The following CNTLN variants were observed in gnomAD, a reference collection of about 807,000 sequenced individuals.
CNTLN encodes the protein centlein, centrosomal protein.
A neutral mutation model predicts 180.0 loss-of-function variants in CNTLN; 212 were observed. The ratio of observed to expected loss-of-function variants is 1.18; its 90% CI spans 1.05 to 1.32. The LOEUF (loss-of-function observed/expected upper bound fraction) is 1.32. Among genes scored for constraint, CNTLN ranks in the 40% most tolerant of loss-of-function variants. CNTLN has a pLI of 0.00. For missense variants in CNTLN, 2,095 were observed against 1,610.9 expected (o/e 1.30, Z -5.14); for synonymous variants, 722 against 563.1 (o/e 1.28, Z -3.99).
intron 25 of CNTLN, among the ~76,000 whole-genome samples, chr9:17,492,006 A>G (rs1833187553): frequency 6.6e-6 from 1 of 152,034 alleles, no homozygotes; most frequent in Non-Finnish European, 1.5e-5. Flanking sequence ...TGCATTCAGA[A>G]ACTGACATAC....
At chr9:17,395,103 G>T in intron 15 of CNTLN, 34 bp downstream of exon 15, 1 of 1,566,172 alleles carries the variant, frequency 6.4e-7, no homozygotes, top group East Asian at 2.3e-5. Context: ...CTGTGGTGGG[G>T]ACACTGCGCA....
Position 17,342,353 on chromosome 9 carries a change from G to T in CNTLN, c.1795G>T (p.Asp599Tyr). ...TGAAATCAGGAAAATAAAGAGAGCAGATCCCCAACAACTTCGACAAGAAGA... is the reference window on the plus strand; with the variant it reads ...TGAAATCAGGAAAATAAAGAGAGCATATCCCCAACAACTTCGACAAGAAGA... ...MTEIRKIKRA[D>Y]PQQLRQEDSD... Residue 599 changes from aspartate (D) to tyrosine (Y), a missense_variant, in exon 12 of 26, where the codon GAT (aspartate) becomes TAT (tyrosine). Asp to Tyr is a radical substitution (Grantham distance 160). Transcript: ENST00000380647. The T allele has an allele frequency of 1.9e-6, 3 of 1,612,366 alleles. No individual in the cohort carries two copies. The South Asian group carries it at 3.3e-5, about 18-fold the overall frequency.
At chr9:17,216,348 A>G (rs936853737) in intron 2 of CNTLN, among the ~76,000 whole-genome samples, 1 of 152,128 alleles carries the variant, frequency 6.6e-6, no homozygotes, top group African/African-American at 2.4e-5. Context: ...AGACTTGTTA[A>G]TACTTTTTTC....
At chr9:17,512,087 T>C in the CNTLN span, among the ~76,000 whole-genome samples, 1 of 152,180 alleles carries the variant, frequency 6.6e-6, no homozygotes, top group South Asian at 2.1e-4. Flanking sequence ...GCACAATTAT[T>C]CTTCCACAGT....
chr9:17,211,474 G>C (rs1428378619), intron 2 of CNTLN, among the ~76,000 whole-genome samples: 1 of 152,306 alleles, frequency 6.6e-6, no homozygotes, highest in Non-Finnish European at 1.5e-5. Context: ...AGTATAGTTT[G>C]AAGTCAGGTA....
intron 8 of CNTLN, among the ~76,000 whole-genome samples, chr9:17,321,871 T>C (rs1819937415): frequency 6.6e-6 from 1 of 152,166 alleles, no homozygotes; most frequent in African/African-American, 2.4e-5. Context: ...TGGAAGAATA[T>C]CAATCTTATA....
rs557862842 is a variant in CNTLN, at chr9:17,141,375, A to G, written c.361-1913A>G. Reference sequence around the variant, plus strand: ...AGTCAGGGGAGAATTCACTTGAGATATTATTTAAGAAAAGGCTTGAATGAA... The same window carrying G: ...AGTCAGGGGAGAATTCACTTGAGATGTTATTTAAGAAAAGGCTTGAATGAA... On this transcript the variant is annotated intron_variant, in intron 1 of 25. Transcript: ENST00000380647. 2.6e-5 allele frequency among the ~76,000 whole-genome samples: 4 copies of G among 151,990 alleles called. No homozygotes were observed. The East Asian group carries it at 7.7e-4, about 29-fold the overall frequency.
intron 19 of CNTLN, among the ~76,000 whole-genome samples, chr9:17,458,418 C>G (rs1017870753): frequency 2.6e-5 from 4 of 151,812 alleles, no homozygotes; most frequent in Admixed American, 2.6e-4. Flanking sequence ...GTGGGGATTG[C>G]TAGCTAGAAG....
intron 2 of CNTLN, among the ~76,000 whole-genome samples, chr9:17,155,145 A>G (rs1819180069): frequency 6.6e-6 from 1 of 152,204 alleles, no homozygotes; most frequent in Non-Finnish European, 1.5e-5. Context: ...AACTCTGGAC[A>G]CATCTGAACA....
intron 10 of CNTLN, among the ~76,000 whole-genome samples, chr9:17,336,720 A>G (rs1334723472): frequency 6.6e-6 from 1 of 152,186 alleles, no homozygotes; most frequent in African/African-American, 2.4e-5. Flanking sequence ...TTTTAAAAAA[A>G]TTATACTTTA....
rs185100752 is a variant in CNTLN, at chr9:17,457,841, A to C, written c.3306+126A>C. On this transcript the variant is annotated intron_variant, in intron 19 of 25. Coordinates refer to ENST00000380647, the MANE Select transcript of CNTLN (RefSeq NM_017738.4). The stretch of plus-strand genomic sequence containing the variant: ...GTTATAGATAATCCAAAAAATTATT[A>C]ATATTGCCTTCATCATTAATTTTTA... The C allele has an allele frequency of 5.0e-4, 277 of 557,918 alleles. 1 individual carries two copies. In the African/African-American group the frequency reaches 5.0e-3, roughly 10 times the overall value. 34.6% of individuals were successfully genotyped at this position (557,918 alleles called of 1,614,324 possible).
intron 10 of CNTLN, among the ~76,000 whole-genome samples, 155 bp from the exon 11 acceptor site, chr9:17,340,672 A>C (rs1043758475): frequency 1.3e-5 from 2 of 152,214 alleles, no homozygotes; most frequent in African/African-American, 4.8e-5. Flanking sequence ...GACTAGAGAA[A>C]TTCTTTTTTC....
Position 17,159,886 on chromosome 9 carries a change from T to C in CNTLN, c.449+16510T>C, listed in dbSNP as rs540460393. Among the ~76,000 whole-genome samples, 137 of 152,344 alleles carry C rather than the reference T, an allele frequency of 9.0e-4. 1 individual carries two copies. Among genetic ancestry groups the C allele is most frequent in the Non-Finnish European group, 1.5e-3 (104 of 68,030 alleles). On this transcript the variant is annotated intron_variant, in intron 2 of 25. Transcript: ENST00000380647. ...CATTTTTAGAGGCTTTAGGTGATTGTTAATAATTTTCACCAGTTTCACTGG... is the reference window on the plus strand; with the variant it reads ...CATTTTTAGAGGCTTTAGGTGATTGCTAATAATTTTCACCAGTTTCACTGG...
chr9:17,477,199 C>A (rs1190416753), intron 23 of CNTLN, among the ~76,000 whole-genome samples: 1 of 152,134 alleles, frequency 6.6e-6, no homozygotes, highest in African/African-American at 2.4e-5. Context: ...AAAAAAGATT[C>A]CTTTCAAAAT....
chr9:17,508,622 A>G (rs1014345300), downstream of CNTLN, among the ~76,000 whole-genome samples: 18 of 152,192 alleles, frequency 1.2e-4, no homozygotes, highest in African/African-American at 4.1e-4. Context: ...CATCATCACT[A>G]TAATTTTGTC....
At chr9:17,368,663 CTGTT>C (rs1345128483) in intron 13 of CNTLN, among the ~76,000 whole-genome samples, 4 of 152,194 alleles carry the variant, frequency 2.6e-5, no homozygotes, top group Non-Finnish European at 5.9e-5. Flanking sequence ...GAGAGAGACT[CTGTT>C]TGTTTGGGAG....
chr9:17,294,132 C>A (rs1206287638), intron 6 of CNTLN, among the ~76,000 whole-genome samples: 1 of 152,024 alleles, frequency 6.6e-6, no homozygotes, highest in Non-Finnish European at 1.5e-5. Flanking sequence ...AGCTGCAGAC[C>A]TTCGAGTGTT....
intron 2 of CNTLN, among the ~76,000 whole-genome samples, chr9:17,178,759 G>A (rs1338928078): frequency 2.0e-5 from 3 of 152,140 alleles, no homozygotes; most frequent in Non-Finnish European, 2.9e-5. Context: ...TCCTGCCAGC[G>A]TCTCTCCCTC....
chr9:17,365,906 A>G (rs915053564), intron 12 of CNTLN, among the ~76,000 whole-genome samples: 1 of 152,196 alleles, frequency 6.6e-6, no homozygotes, highest in African/African-American at 2.4e-5. Flanking sequence ...CGATTGTGCC[A>G]CTGCACTTCA....
Sources: allele counts gnomAD v4.1 joint callset (sites outside exome capture counted in the v4.1 genomes callset), GRCh38; gene constraint gnomAD v4.1.1; transcripts MANE v1.5; gene names NCBI Gene and HGNC (gene_info 2026-07-23, HGNC 2026-07-21).